Variants in FTCDNL1 observed in about 807,000 individuals in gnomAD.
The protein encoded by FTCDNL1 is formiminotransferase cyclodeaminase N-terminal like, also known as formiminotransferase N-terminal subdomain-containing protein.
Under a neutral mutation model 5.9 loss-of-function variants are expected in FTCDNL1, and 11 were observed. The observed-to-expected ratio is 1.87, with a 90% CI of 1.18 to 3.10. The LOEUF (loss-of-function observed/expected upper bound fraction) is 3.10. FTCDNL1 is among the 30% of genes most tolerant of loss of function. The pLI is 0.00. For synonymous variants in FTCDNL1, 58 were observed against 24.8 expected (o/e 2.34, Z -3.99); for missense variants, 115 against 65.5 (o/e 1.76, Z -2.61).
chr2:199,840,367 T>C (rs1264346815), intron 3 of FTCDNL1, among the ~76,000 whole-genome samples: 2 of 152,238 alleles, frequency 1.3e-5, no homozygotes, highest in Admixed American at 6.5e-5. Flanking sequence ...TTGTGAACAA[T>C]GTTTACATAG....
At chr2:199,821,456 G>A (rs1337169870) in intron 3 of FTCDNL1, among the ~76,000 whole-genome samples, 1 of 138,070 alleles carries the variant, frequency 7.2e-6, no homozygotes, top group African/African-American at 2.8e-5. Flanking sequence ...CACGTGCCCA[G>A]CCTGGTTTTT....
the FTCDNL1 span, among the ~76,000 whole-genome samples, chr2:199,727,262 G>A: frequency 5.3e-5 from 8 of 152,194 alleles, no homozygotes; most frequent in African/African-American, 9.6e-5. Context: ...GCACCAGCAG[G>A]GGAAAATAGC....
intron 3 of FTCDNL1, among the ~76,000 whole-genome samples, chr2:199,830,773 A>C (rs766770716): frequency 2.0e-5 from 3 of 152,198 alleles, no homozygotes; most frequent in Non-Finnish European, 4.4e-5. Flanking sequence ...CATGCACGAG[A>C]TACAGAAATT....
chr2:199,797,374 C>A (rs189996389), intron 3 of FTCDNL1, among the ~76,000 whole-genome samples: 1 of 152,236 alleles, frequency 6.6e-6, no homozygotes, highest in East Asian at 1.9e-4. Flanking sequence ...AAATTTCATG[C>A]GTTTGAGTGT....
the FTCDNL1 span, among the ~76,000 whole-genome samples, chr2:199,699,166 G>A: frequency 6.6e-6 from 1 of 152,116 alleles, no homozygotes; most frequent in Non-Finnish European, 1.5e-5. Flanking sequence ...TGGATTCACA[G>A]ATGTATAAAG....
chr2:199,821,475 T>A (rs1701686286), intron 3 of FTCDNL1, among the ~76,000 whole-genome samples: 1 of 150,134 alleles, frequency 6.7e-6, no homozygotes, highest in Non-Finnish European at 1.5e-5. Flanking sequence ...TTTGTTTGTT[T>A]GTTTTTTGAG....
intron 2 of FTCDNL1, among the ~76,000 whole-genome samples, chr2:199,846,825 T>C (rs1169788352): frequency 2.0e-5 from 3 of 152,028 alleles, no homozygotes; most frequent in African/African-American, 4.8e-5. Context: ...AACCCTAGAG[T>C]TATTTTTGAA....
intron 3 of FTCDNL1, among the ~76,000 whole-genome samples, chr2:199,838,722 A>G (rs1350905380): frequency 2.6e-5 from 4 of 152,172 alleles, no homozygotes; most frequent in African/African-American, 9.7e-5. Context: ...TCCCTGATCC[A>G]CACAGACAGG....
the FTCDNL1 span, among the ~76,000 whole-genome samples, chr2:199,728,915 G>C: frequency 6.6e-6 from 1 of 152,168 alleles, no homozygotes; most frequent in Non-Finnish European, 1.5e-5. Flanking sequence ...TAGGCTAACG[G>C]CTAAAAGTGC....
chr2:199,673,130 T>C, the FTCDNL1 span, among the ~76,000 whole-genome samples: 2 of 151,898 alleles, frequency 1.3e-5, no homozygotes, highest in African/African-American at 4.8e-5. Context: ...GAGTTTGAGA[T>C]CAGCCTGGTC....
intron 3 of FTCDNL1, among the ~76,000 whole-genome samples, chr2:199,770,058 T>C (rs1162463338): frequency 6.6e-6 from 1 of 152,162 alleles, no homozygotes; most frequent in African/African-American, 2.4e-5. Flanking sequence ...AAGCTCATAC[T>C]CTACAGCTCC....
At chr2:199,846,746 T>C (rs1258477107) in intron 2 of FTCDNL1, among the ~76,000 whole-genome samples, 1 of 152,184 alleles carries the variant, frequency 6.6e-6, no homozygotes, top group Admixed American at 6.5e-5. Context: ...TTTTGGTGGT[T>C]TGTGACTCTC....
the FTCDNL1 span, among the ~76,000 whole-genome samples, chr2:199,705,650 GCCTTGTTTCCTA>G: frequency 6.6e-6 from 1 of 152,066 alleles, no homozygotes; most frequent in Non-Finnish European, 1.5e-5. Context: ...TGTACTTACT[GCCTTGTTTCCTA>G]CCTTAAAGAG....
intron 3 of FTCDNL1, among the ~76,000 whole-genome samples, chr2:199,793,848 A>G (rs1177291072): frequency 1.3e-5 from 2 of 152,202 alleles, no homozygotes; most frequent in African/African-American, 4.8e-5. Context: ...TTCCAGAGCT[A>G]TTATTTTAAC....
At chr2:199,798,704 G>A (rs931390597) in intron 3 of FTCDNL1, among the ~76,000 whole-genome samples, 30 of 152,224 alleles carry the variant, frequency 2.0e-4, no homozygotes, top group Admixed American at 3.9e-4. Context: ...TCTCCCCTTG[G>A]TTCTCCCAAA....
At chr2:199,683,010 T>A in the FTCDNL1 span, among the ~76,000 whole-genome samples, 1 of 152,186 alleles carries the variant, frequency 6.6e-6, no homozygotes, top group Non-Finnish European at 1.5e-5. Flanking sequence ...GAGACCCCAT[T>A]CTATAATTGT....
the FTCDNL1 span, among the ~76,000 whole-genome samples, chr2:199,719,198 T>A: frequency 6.6e-6 from 1 of 152,200 alleles, no homozygotes; most frequent in Non-Finnish European, 1.5e-5. Context: ...CTTTACTCCA[T>A]CTTGAGTAAA....
rs1425986068 is a variant in FTCDNL1 at position 199,776,970 on chromosome 2, G to C, written c.212-16135C>G. On this transcript the variant is annotated intron_variant, in intron 3 of 3. Transcript: ENST00000416668. ...GAGATGTGTGTATATGTGTGTGTGTGTGTGTGTGTGTGTGTGTGTGTGTGT... is the reference window on the plus strand; with the variant it reads ...GAGATGTGTGTATATGTGTGTGTGTCTGTGTGTGTGTGTGTGTGTGTGTGT... Among the ~76,000 whole-genome samples the C allele has an allele frequency of 5.0e-5, 7 of 141,398 alleles. No individual in the cohort carries two copies. The Admixed American group carries it at 5.0e-4, about 10-fold the overall frequency. 92.8% of individuals were successfully genotyped at this position (141,398 alleles called of 152,430 possible).
At position 199,810,418 on chromosome 2, in the gene FTCDNL1, G is replaced by A. The variant is rs983295866; in HGVS notation, c.*2287C>T. On this transcript the variant is annotated 3_prime_UTR_variant, in exon 5 of 5. Transcript: ENST00000420128. The stretch of plus-strand genomic sequence containing the variant: ...TGATGTGAGTTTGGCAGGGTTTGGA[G>A]CCAAACAAGACAAAAGAGTTCCCTC... Among the ~76,000 whole-genome samples the A allele has an allele frequency of 1.3e-5, 2 of 152,204 alleles. No homozygotes were observed. The highest frequency in any genetic ancestry group is 4.8e-5 in the African/African-American group (2 of 41,444).
Sources: gnomAD v4.1 joint callset for allele counts (sites outside exome capture counted in the v4.1 genomes callset) on GRCh38, gnomAD v4.1.1 for gene constraint, MANE v1.5 for transcripts, NCBI Gene and HGNC (gene_info 2026-07-23, HGNC 2026-07-21) for gene names.